PERCC1: variants seen among roughly 807,000 people sequenced by gnomAD.
PERCC1 encodes the protein proline and glutamate rich with coiled coil 1.
At chr16:1,431,499 G>A (rs1322481061) in intron 1 of PERCC1, among the ~76,000 whole-genome samples, 1 of 151,934 alleles carries the variant, frequency 6.6e-6, no homozygotes, top group African/African-American at 2.4e-5. Context: ...AGCCGTGGAT[G>A]CTCCCCACAG....
intron 1 of PERCC1, among the ~76,000 whole-genome samples, chr16:1,431,377 C>T (rs2038446882): frequency 1.3e-5 from 2 of 152,122 alleles, no homozygotes; most frequent in African/African-American, 4.8e-5. Context: ...GACCCCAGTA[C>T]TTCAGTGAGA....
rs559894129 is a variant in PERCC1 at position 1,431,968 on chromosome 16, G to A, written c.-47-579G>A. ...TGGCCGGAAGAACCCCACGGGGGCT[G>A]CACGGGCTCTGGGCTCAGTTACAGT... On this transcript the variant is annotated intron_variant, in intron 1 of 1. Coordinates refer to ENST00000640283, the MANE Select transcript of PERCC1 (RefSeq NM_001365310.2). Among the ~76,000 whole-genome samples, 3 of 152,310 alleles carry A rather than the reference G, an allele frequency of 2.0e-5. No individual in the cohort carries two copies. The East Asian group carries it at 5.8e-4, about 29-fold the overall frequency.
At chr16:1,432,001 C>G (rs750154286) in intron 1 of PERCC1, among the ~76,000 whole-genome samples, 2 of 152,168 alleles carry the variant, frequency 1.3e-5, no homozygotes, top group Non-Finnish European at 2.9e-5. Flanking sequence ...AGTGACGCCT[C>G]CACTTTGATC....
Position 1,432,701 on chromosome 16 carries a change from A to G in PERCC1, c.108A>G (p.Glu36=), listed in dbSNP as rs1017095405. ...DPEPPETSEE[E]EEEEEEEEEE... is the part of the protein sequence containing the mutation. ...AGCCCCCAGAGACTTCGGAGGAGGA[A>G]GAGGAGGAGGAGGAGGAGGAGGAGG... The change falls in exon 2 of 2, where the codon GAA becomes GAG. Residue 36 remains glutamate, a synonymous_variant. Coordinates refer to ENST00000640283, the MANE Select transcript of PERCC1 (RefSeq NM_001365310.2). The G allele has an allele frequency of 3.8e-5, 15 of 395,000 alleles. No individual in the cohort carries two copies. The highest frequency in any genetic ancestry group is 7.2e-5 in the East Asian group (2 of 27,624). 24.5% of individuals were successfully genotyped at this position (395,000 alleles called of 1,614,324 possible). A position where few individuals can be genotyped will look rare whatever the true frequency, so the allele number is the denominator to read the frequency against.
chr16:1,433,089 G>C lies in PERCC1; in HGVS notation c.496G>C (p.Asp166His), dbSNP rs2038465178. The C allele has an allele frequency of 2.5e-6, 1 of 398,504 alleles. No homozygotes were observed. The highest frequency in any genetic ancestry group is 4.4e-6 in the Non-Finnish European group (1 of 226,000). 24.7% of individuals were successfully genotyped at this position (398,504 alleles called of 1,614,324 possible). The change falls in exon 2 of 2, where the codon GAC becomes CAC. Residue 166 changes from aspartate to histidine, a missense_variant. Asp to His is a moderately conservative substitution (Grantham distance 81). Transcript: ENST00000640283. ...GGTGTGCAGGCCGGGCCTCAGCGGGGACAGGGCGCAGCCCCTGGGACCCCT... is the reference window on the plus strand; with the variant it reads ...GGTGTGCAGGCCGGGCCTCAGCGGGCACAGGGCGCAGCCCCTGGGACCCCT... ...GQVCRPGLSG[D>H]RAQPLGPLAE...
At chr16:1,431,915 G>A (rs1010027323) in intron 1 of PERCC1, among the ~76,000 whole-genome samples, 1 of 152,182 alleles carries the variant, frequency 6.6e-6, no homozygotes, top group Admixed American at 6.5e-5. Flanking sequence ...CCACTGGGGT[G>A]CTGCCTCCCG....
chr16:1,433,379 A>ACG lies in PERCC1; in HGVS notation c.787_788dup (p.Pro264GlyfsTer273), dbSNP rs1189575510. The ACG allele has an allele frequency of 2.5e-6, 1 of 398,470 alleles. No homozygotes were observed. Among genetic ancestry groups the ACG allele is most frequent in the African/African-American group, 2.1e-5 (1 of 48,604 alleles). 24.7% of individuals were successfully genotyped at this position (398,470 alleles called of 1,614,324 possible). A position where few individuals can be genotyped will look rare whatever the true frequency, so the allele number is the denominator to read the frequency against. On this transcript the variant is annotated frameshift_variant, in exon 2 of 2. Coordinates refer to ENST00000640283, the MANE Select transcript of PERCC1 (RefSeq NM_001365310.2). LOFTEE classifies it high-confidence loss of function. Reference sequence around the variant, plus strand: ...GGGGAACCCCAGCCCTGGAAGGGGCACGGCCAGCCGAGGCCTAGCGAAGCG... The same window carrying ACG: ...GGGGAACCCCAGCCCTGGAAGGGGCACGCGGCCAGCCGAGGCCTAGCGAAGCG...
rs2038474676 is a variant in PERCC1 at position 1,434,068 on chromosome 16, A to G, written c.*671A>G. Among the ~76,000 whole-genome samples, 1 of 151,916 alleles carries G rather than the reference A, an allele frequency of 6.6e-6. No individual in the cohort carries two copies. The highest frequency in any genetic ancestry group is 2.4e-5 in the African/African-American group (1 of 41,338). On this transcript the variant is annotated 3_prime_UTR_variant, in exon 2 of 2. Transcript: ENST00000640283. ...CCCGGGTCCTCCTCACAACCCGGGC[A>G]GGGGCAGCTCACAGCGGGTCCTGGC...
In PERCC1 at chr16:1,433,930, A is replaced by G. The variant is rs979038318; in HGVS notation, c.*533A>G. 3.9e-5 allele frequency among the ~76,000 whole-genome samples: 6 copies of G among 152,150 alleles called. No homozygotes were observed. The highest frequency in any genetic ancestry group is 7.4e-5 in the Non-Finnish European group (5 of 68,010). On this transcript the variant is annotated 3_prime_UTR_variant, in exon 2 of 2. Coordinates refer to ENST00000640283, the MANE Select transcript of PERCC1 (RefSeq NM_001365310.2). The stretch of plus-strand genomic sequence containing the variant: ...AAGAGGGGCCCACTGCCCGACCGAG[A>G]GAGCAAACAAGGGCCGTCTCCTCCC...
At chr16:1,432,460 A>G (rs897704855) in intron 1 of PERCC1, 87 bp from the exon 2 acceptor site, 6 of 397,562 alleles carry the variant, frequency 1.5e-5, no homozygotes, top group Admixed American at 4.4e-5. Context: ...GAGGCCACAG[A>G]TGTGTGAGAT....
In PERCC1 at chr16:1,433,488, C is replaced by T. The variant is rs777846150; in HGVS notation, c.*91C>T. ...CCATCCTCCTGGGAAGAGCCTCCTC[C>T]GTCCCTCGCGGCCACCACAGGGCAA... On this transcript the variant is annotated 3_prime_UTR_variant, in exon 2 of 2. Coordinates refer to ENST00000640283, the MANE Select transcript of PERCC1 (RefSeq NM_001365310.2). The T allele has an allele frequency of 5.0e-6, 2 of 398,212 alleles. No individual in the cohort carries two copies. The highest frequency in any genetic ancestry group is 4.4e-5 in the Admixed American group (1 of 22,738). 24.7% of individuals were successfully genotyped at this position (398,212 alleles called of 1,614,324 possible). A position where few individuals can be genotyped will look rare whatever the true frequency, so the allele number is the denominator to read the frequency against.
intron 1 of PERCC1, among the ~76,000 whole-genome samples, chr16:1,431,309 C>T (rs780450089): frequency 3.9e-5 from 6 of 152,086 alleles, no homozygotes; most frequent in African/African-American, 9.7e-5. Flanking sequence ...CTGGGCTGTC[C>T]GTGAGCAGTC....
chr16:1,432,475 G>A (rs2038456776), intron 1 of PERCC1, 72 bp from the exon 2 acceptor site: 1 of 397,854 alleles, frequency 2.5e-6, no homozygotes, highest in African/African-American at 2.1e-5. Context: ...TGAGATCCGA[G>A]GGCAGCAGTC....
rs1164819957 is a variant in PERCC1 at position 1,433,592 on chromosome 16, C to T, written c.*195C>T. ...GACCTGGCCATGCCCTGGCCTTCAG[C>T]CCCAGCAGAGCCCCTGGAGGGGCAC... is the stretch of plus-strand genomic sequence containing the variant. On this transcript the variant is annotated 3_prime_UTR_variant, in exon 2 of 2. Coordinates refer to ENST00000640283, the MANE Select transcript of PERCC1 (RefSeq NM_001365310.2). 1.3e-5 allele frequency among the ~76,000 whole-genome samples: 2 copies of T among 152,222 alleles called. No individual in the cohort carries two copies. The highest frequency in any genetic ancestry group is 4.8e-5 in the African/African-American group (2 of 41,462).
chr16:1,433,463 C>G lies in PERCC1; in HGVS notation c.*66C>G, dbSNP rs999165795. On this transcript the variant is annotated 3_prime_UTR_variant, in exon 2 of 2. Transcript: ENST00000640283. ...ACCCCTAAGGCACTGGACTCTCCTC[C>G]CATCCTCCTGGGAAGAGCCTCCTCC... 6 of 398,446 alleles carry G rather than the reference C, an allele frequency of 1.5e-5. No individual in the cohort carries two copies. Among genetic ancestry groups the G allele is most frequent in the African/African-American group, 1.2e-4 (6 of 48,760 alleles). The allele number at this position is 398,446 out of a possible 1,614,324, so 24.7% of individuals were successfully genotyped here.
Position 1,433,294 on chromosome 16 carries a change from C to T in PERCC1, c.701C>T (p.Pro234Leu), listed in dbSNP as rs765509378. 54 of 398,854 alleles carry T rather than the reference C, an allele frequency of 1.4e-4. No individual in the cohort carries two copies. The highest frequency in any genetic ancestry group is 6.0e-4 in the African/African-American group (29 of 48,644). 24.7% of individuals were successfully genotyped at this position (398,854 alleles called of 1,614,324 possible). Reference sequence around the variant, plus strand: ...CTGGGCCTGCTGCACCCTGGCACGCCGGACTTCAGCGACCTGCTGGCCAGC... The same window carrying T: ...CTGGGCCTGCTGCACCCTGGCACGCTGGACTTCAGCGACCTGCTGGCCAGC... Reference protein sequence around the residue: ...SPLGLLHPGTPDFSDLLASWS... With the variant: ...SPLGLLHPGTLDFSDLLASWS... The change falls in exon 2 of 2, where the codon CCG (proline) becomes CTG (leucine). Residue 234 changes from proline to leucine, a missense_variant. By Grantham distance (98) the Pro-to-Leu change is moderately conservative (BLOSUM62 -3). Transcript: ENST00000640283.
intron 1 of PERCC1, among the ~76,000 whole-genome samples, 151 bp downstream of exon 1, chr16:1,431,259 G>A (rs1380676816): frequency 6.6e-6 from 1 of 152,008 alleles, no homozygotes; most frequent in Admixed American, 6.5e-5. Context: ...GACTGGGCCG[G>A]CATTGGGGCA....
Position 1,434,420 on chromosome 16 carries a change from A to G in PERCC1, c.*1023A>G. 1 of 1,550,356 alleles carries G rather than the reference A, an allele frequency of 6.5e-7. No homozygotes were observed. The highest frequency in any genetic ancestry group is 8.7e-7 in the Non-Finnish European group (1 of 1,146,898). On this transcript the variant is annotated 3_prime_UTR_variant, in exon 2 of 2. Coordinates refer to ENST00000640283, the MANE Select transcript of PERCC1 (RefSeq NM_001365310.2). The stretch of plus-strand genomic sequence containing the variant: ...AAAGCCAGCACGTTTATTTCTGGAT[A>G]AACAGTGAGGGTGTGAGCTGCTGCA...
In PERCC1 at chr16:1,434,086, G is replaced by A. The variant is rs2038474912; in HGVS notation, c.*689G>A. Among the ~76,000 whole-genome samples the A allele has an allele frequency of 6.6e-6, 1 of 152,208 alleles. No homozygotes were observed. Among genetic ancestry groups the A allele is most frequent in the Non-Finnish European group, 1.5e-5 (1 of 68,022 alleles). ...CCCGGGCAGGGGCAGCTCACAGCGG[G>A]TCCTGGCGGGGGCAGGCCTAGGTGC... is the stretch of plus-strand genomic sequence containing the variant. On this transcript the variant is annotated 3_prime_UTR_variant, in exon 2 of 2. Transcript: ENST00000640283.
Sources: gnomAD v4.1 joint callset for allele counts (sites outside exome capture counted in the v4.1 genomes callset) on GRCh38, gnomAD v4.1.1 for gene constraint, MANE v1.5 for transcripts, NCBI Gene and HGNC (gene_info 2026-07-23, HGNC 2026-07-21) for gene names.